TET2: variants seen among roughly 807,000 people sequenced by gnomAD.
TET2 encodes the protein methylcytosine dioxygenase TET2.
TET2 carries 299 observed loss-of-function variants against 142.9 expected under a neutral mutation model. The ratio of observed to expected loss-of-function variants is 2.09; its 90% CI spans 1.90 to 2.30. TET2 has a LOEUF of 2.30. TET2 is among the 30% of genes most tolerant of loss of function. TET2 has a pLI of 0.00. For missense variants in TET2, 2,418 were observed against 2,378.0 expected (o/e 1.02, Z -0.35); for synonymous variants, 819 against 849.0 (o/e 0.96, Z 0.61).
chr4:105,159,517 A>C (rs1337971695), intron 1 of TET2, among the ~76,000 whole-genome samples: 1 of 151,960 alleles, frequency 6.6e-6, no homozygotes, highest in East Asian at 1.9e-4. Context: ...GGCCCCCCAA[A>C]GTGCTGGGAT....
At chr4:105,250,378 GGATTTTTT>G in intron 6 of TET2, among the ~76,000 whole-genome samples, 1 of 95,386 alleles carries the variant, frequency 1.0e-5, no homozygotes. Context: ...TTTCCTTTCT[GGATTTTTT>G]TTTTTTTTTT....
At chr4:105,263,026 T>A (rs1208859217) in intron 8 of TET2, among the ~76,000 whole-genome samples, 1 of 114,720 alleles carries the variant, frequency 8.7e-6, no homozygotes, top group Non-Finnish European at 2.1e-5. Context: ...TGACCCAGAT[T>A]CTAAAAAAAA....
chr4:105,185,642 G>A (rs533238153), intron 1 of TET2, among the ~76,000 whole-genome samples: 1 of 152,086 alleles, frequency 6.6e-6, no homozygotes, highest in East Asian at 1.9e-4. Flanking sequence ...AGCCAGGCGT[G>A]GGGGCATGCG....
intron 2 of TET2, among the ~76,000 whole-genome samples, chr4:105,223,173 G>A (rs910885078): frequency 6.6e-6 from 1 of 152,108 alleles, no homozygotes; most frequent in Non-Finnish European, 1.5e-5. Context: ...TAGATAGAAA[G>A]TTCTTACAGA....
At chr4:105,166,420 C>A (rs1367089313) in intron 1 of TET2, among the ~76,000 whole-genome samples, 3 of 151,912 alleles carry the variant, frequency 2.0e-5, no homozygotes. Flanking sequence ...CATCATATCA[C>A]AATTTTTTTT....
chr4:105,195,220 G>A (rs1405244660), intron 2 of TET2, among the ~76,000 whole-genome samples: 5 of 152,068 alleles, frequency 3.3e-5, no homozygotes, highest in African/African-American at 1.2e-4. Flanking sequence ...TTGATCTCAG[G>A]ATCTTTTAAG....
chr4:105,211,445 G>T (rs1727154539), intron 2 of TET2, among the ~76,000 whole-genome samples: 1 of 152,190 alleles, frequency 6.6e-6, no homozygotes, highest in African/African-American at 2.4e-5. Flanking sequence ...ATAAATAGAT[G>T]AAAGAATGTT....
In TET2 at chr4:105,234,420, G is replaced by T. The variant is rs763272294; in HGVS notation, c.478G>T (p.Val160Phe). Residue 160 changes from valine (V) to phenylalanine (F), a missense_variant, in exon 3 of 11, where the codon GTT (valine) becomes TTT (phenylalanine). Coordinates refer to ENST00000380013, the MANE Select transcript of TET2 (RefSeq NM_001127208.3). ...GAGTTCTGTAGCCCAAGAAAATGCAGTTAAAGATTTCACCAGTTTTTCAAC... is the reference window on the plus strand; with the variant it reads ...GAGTTCTGTAGCCCAAGAAAATGCATTTAAAGATTTCACCAGTTTTTCAAC... ...SVSSVAQENA[V>F]KDFTSFSTHN... The T allele has an allele frequency of 6.2e-7, 1 of 1,613,998 alleles. No homozygotes were observed. The highest frequency in any genetic ancestry group is 1.1e-5 in the South Asian group (1 of 91,060).
intron 1 of TET2, among the ~76,000 whole-genome samples, chr4:105,173,448 G>A (rs554319795): frequency 1.8e-4 from 28 of 151,996 alleles, no homozygotes; most frequent in African/African-American, 6.5e-4. Flanking sequence ...CAGGAGAATC[G>A]ATTGAACCCA....
intron 1 of TET2, among the ~76,000 whole-genome samples, chr4:105,170,161 C>A (rs1724383315): frequency 6.6e-6 from 1 of 152,074 alleles, no homozygotes; most frequent in South Asian, 2.1e-4. Context: ...CAACCCTTGG[C>A]AAAGTGTTTC....
rs777256211 is a variant in TET2, at chr4:105,234,626, A to G, written c.684A>G (p.Lys228=). The change falls in exon 3 of 11, where the codon AAA becomes AAG. Residue 228 remains lysine, a synonymous_variant. Coordinates refer to ENST00000380013, the MANE Select transcript of TET2 (RefSeq NM_001127208.3). The part of the protein sequence containing the change: ...VEHTHGELLE[K]TLSQYYPDCV... ...ACACACATGGTGAACTCCTGGAAAA[A>G]ACACTGTCTCAATATTATCCAGATT... The G allele has an allele frequency of 6.2e-7, 1 of 1,614,104 alleles. No individual in the cohort carries two copies. The highest frequency in any genetic ancestry group is 8.5e-7 in the Non-Finnish European group (1 of 1,180,012).
chr4:105,176,604 A>G (rs1424102986), intron 1 of TET2, among the ~76,000 whole-genome samples: 1 of 152,216 alleles, frequency 6.6e-6, no homozygotes, highest in African/African-American at 2.4e-5. Context: ...ATCTATATGA[A>G]GAAAACTACA....
At chr4:105,246,325 A>G (rs1333936966) in intron 6 of TET2, among the ~76,000 whole-genome samples, 2 of 152,348 alleles carry the variant, frequency 1.3e-5, no homozygotes, top group African/African-American at 4.8e-5. Flanking sequence ...AAACCATGAA[A>G]AATAGTTGGA....
At chr4:105,261,083 G>A (rs1730400112) in intron 7 of TET2, among the ~76,000 whole-genome samples, 1 of 151,148 alleles carries the variant, frequency 6.6e-6, no homozygotes, top group Admixed American at 6.6e-5. Context: ...TTTTTTTTTA[G>A]AGAAATATCA....
At position 105,269,324 on chromosome 4, in the gene TET2, G is replaced by C. The variant is rs1184691072; in HGVS notation, c.4045-286G>C. Among the ~76,000 whole-genome samples the C allele has an allele frequency of 2.6e-5, 4 of 152,150 alleles. No individual in the cohort carries two copies. In the East Asian group the frequency reaches 7.7e-4, roughly 29 times the overall value. The stretch of plus-strand genomic sequence containing the variant: ...AAGCAGGAAGCATGAATTATACAGG[G>C]GCATGAGGAAATTTTTAAGAGTAAT... On this transcript the variant is annotated intron_variant, in intron 8 of 10. Coordinates refer to ENST00000380013, the MANE Select transcript of TET2 (RefSeq NM_001127208.3).
rs781201899 is a variant in TET2 at position 105,234,243 on chromosome 4, C to A, written c.301C>A (p.Pro101Thr). 3.7e-5 allele frequency: 60 copies of A among 1,613,984 alleles called. No homozygotes were observed. The Middle Eastern group carries it at 9.9e-4, about 27-fold the overall frequency. The change falls in exon 3 of 11, where the codon CCT (proline) becomes ACT (threonine). Residue 101 changes from proline to threonine, a missense_variant. Pro to Thr is a conservative substitution (Grantham distance 38). Transcript: ENST00000380013. The stretch of plus-strand genomic sequence containing the variant: ...AGGAATAAAACGCACAGTTAGTGAA[C>A]CTTCTCTCTCTGGGCTCCTTCAGAT... The part of the protein sequence containing the change: ...NGGIKRTVSE[P>T]SLSGLLQIKK...
intron 1 of TET2, among the ~76,000 whole-genome samples, chr4:105,159,297 G>C (rs541989632): frequency 1.8e-3 from 256 of 145,516 alleles, no homozygotes; most frequent in African/African-American, 6.4e-3. Flanking sequence ...TTGCTGCCAA[G>C]GTTGGAGTGC....
At chr4:105,272,464 C>T (rs878892221) in intron 9 of TET2, 100 bp from the exon 10 acceptor site, 3 of 787,528 alleles carry the variant, frequency 3.8e-6, no homozygotes, top group Non-Finnish European at 5.9e-6. Context: ...ACTAGGCCAC[C>T]AACACAAATC....
chr4:105,191,278 G>T (rs1157281426), intron 2 of TET2, among the ~76,000 whole-genome samples: 1 of 152,154 alleles, frequency 6.6e-6, no homozygotes, highest in East Asian at 1.9e-4. Flanking sequence ...AAATCAATTT[G>T]CTCTGAATGC....
Sources: allele counts gnomAD v4.1 joint callset (sites outside exome capture counted in the v4.1 genomes callset), GRCh38; gene constraint gnomAD v4.1.1; transcripts MANE v1.5; gene names NCBI Gene and HGNC (gene_info 2026-07-23, HGNC 2026-07-21).